The following BICD2 variants were observed in gnomAD, a reference collection of about 807,000 sequenced individuals.
BICD2 encodes the protein BICD cargo adaptor 2.
In BICD2, 25 loss-of-function variants were observed where a neutral mutation model predicts 72.9. The ratio of observed to expected loss-of-function variants is 0.34; its 90% confidence interval spans 0.25 to 0.48. The LOEUF (loss-of-function observed/expected upper bound fraction) is 0.48, where lower values mean the gene tolerates loss of function less well. Among genes scored for constraint, BICD2 ranks in the 20% least tolerant of loss-of-function variants. The pLI is 0.99. For synonymous variants in BICD2, 501 were observed against 516.1 expected, an observed-to-expected ratio of 0.97 and a Z score of 0.40; for missense variants, 894 against 1,175.2, an observed-to-expected ratio of 0.76 and a Z score of 3.50.
In BICD2 at chr9:92,715,272, G is replaced by C; in HGVS notation, c.2450C>G (p.Thr817Ser). The C allele has an allele frequency of 6.2e-7, 1 of 1,612,906 alleles. No homozygotes were observed. Among genetic ancestry groups the C allele is most frequent in the Non-Finnish European group, 8.5e-7 (1 of 1,179,854 alleles). Reference protein sequence around the residue: ...RRGRAKAAPKTKPATPSVSHT... With the variant: ...RRGRAKAAPKSKPATPSVSHT... ...ACTTACGCTCGGTGTGGCTGGCTTG[G>C]TCTTCGGGGCGGCTTTGGCACGGCC... is the stretch of plus-strand genomic sequence containing the variant. Residue 817 changes from threonine (T) to serine (S), a missense_variant, in exon 7 of 7, where the codon ACC becomes AGC. Around this residue, in one of 5 missense-constraint regions of BICD2, gnomAD observed 321 missense variants for 443.9 expected, o/e 0.72. Transcript: ENST00000356884.
chr9:92,738,240 G>C (rs1473750351), intron 1 of BICD2, among the ~76,000 whole-genome samples: 1 of 152,246 alleles, frequency 6.6e-6, no homozygotes, highest in Non-Finnish European at 1.5e-5. Context: ...TAGGCAGCAT[G>C]GGCACCAGGT....
intron 2 of BICD2, 113 bp downstream of exon 2, chr9:92,728,911 A>G: frequency 1.7e-6 from 2 of 1,157,866 alleles, no homozygotes; most frequent in African/African-American, 3.1e-5. Context: ...CAGACCAGCC[A>G]GCTGCAGCGT....
At position 92,764,048 on chromosome 9, in the gene BICD2, A is replaced by C. The variant is rs569204699; in HGVS notation, c.240+457T>G. Among the ~76,000 whole-genome samples the C allele has an allele frequency of 9.1e-4, 138 of 152,138 alleles. No individual in the cohort carries two copies. Among genetic ancestry groups the C allele is most frequent in the Non-Finnish European group, 1.7e-3 (116 of 68,008 alleles). On this transcript the variant is annotated intron_variant, in intron 1 of 6. Coordinates refer to ENST00000356884, the MANE Select transcript of BICD2 (RefSeq NM_001003800.2). The surrounding 1 kb of genome is among the most constrained non-coding windows in gnomAD (Gnocchi z 5.5). The stretch of plus-strand genomic sequence containing the variant: ...CAGAGAGGGGAAGTGCTTTCTCTGA[A>C]GGTGACAGAGCCGCAGCCACCCAGA...
chr9:92,742,626 G>A (rs191572862), intron 1 of BICD2, among the ~76,000 whole-genome samples: 6 of 151,934 alleles, frequency 3.9e-5, no homozygotes, highest in East Asian at 1.9e-4. Context: ...CTCGTGATCC[G>A]CCCACCTCGA....
At chr9:92,755,128 G>C (rs1854228591) in intron 1 of BICD2, among the ~76,000 whole-genome samples, 1 of 152,142 alleles carries the variant, frequency 6.6e-6, no homozygotes, top group African/African-American at 2.4e-5. Context: ...CTCTGAACTG[G>C]CCCCCCTGGG....
Position 92,711,462 on chromosome 9 carries a change from CAT to C in BICD2, c.*3690_*3691del, listed in dbSNP as rs565627335. On this transcript the variant is annotated 3_prime_UTR_variant, in exon 7 of 7. Transcript: ENST00000356884. ...GCACTGGCTTTGTAGGCATTCACATCATATGTCTGTGTCCTGAAAATCTCAAT... is the reference window on the plus strand; with the variant it reads ...GCACTGGCTTTGTAGGCATTCACATCATGTCTGTGTCCTGAAAATCTCAAT... 6.0e-4 allele frequency: 91 copies of C among 152,744 alleles called. 1 individual carries two copies. Among genetic ancestry groups the C allele is most frequent in the African/African-American group, 1.8e-3 (73 of 41,560 alleles). The allele number at this position is 152,744 out of a possible 1,614,324, so 9.5% of individuals were successfully genotyped here.
intron 6 of BICD2, among the ~76,000 whole-genome samples, chr9:92,716,549 T>C (rs1014839955): frequency 6.6e-6 from 1 of 152,156 alleles, no homozygotes; most frequent in African/African-American, 2.4e-5. Flanking sequence ...TCCCACCCTG[T>C]CCAGCTCAGA....
At chr9:92,727,421 C>T (rs1020075579) in intron 2 of BICD2, among the ~76,000 whole-genome samples, 6 of 152,182 alleles carry the variant, frequency 3.9e-5, no homozygotes, top group African/African-American at 9.7e-5. Context: ...CAGAGACTGC[C>T]GGTTTACAGA....
At chr9:92,727,574 C>T (rs1853592100) in intron 2 of BICD2, among the ~76,000 whole-genome samples, 1 of 152,214 alleles carries the variant, frequency 6.6e-6, no homozygotes, top group South Asian at 2.1e-4. Flanking sequence ...GGGGCTGACC[C>T]TCAAAGGCCA....
In BICD2 at chr9:92,764,829, G is replaced by GCCA; in HGVS notation, c.-86_-85insTGG. 1 of 1,038,964 alleles carries GCCA rather than the reference G, an allele frequency of 9.6e-7. No individual in the cohort carries two copies. The highest frequency in any genetic ancestry group is 4.4e-5 in the South Asian group (1 of 22,660). 64.4% of individuals were successfully genotyped at this position (1,038,964 alleles called of 1,614,324 possible). ...CGCCGCCGCTGCCGCCGCCGCCGCC[G>GCCA]CCCTGCCCCGACGGCCGCCCGCCCG... On this transcript the variant is annotated 5_prime_UTR_variant, in exon 1 of 7. Coordinates refer to ENST00000356884, the MANE Select transcript of BICD2 (RefSeq NM_001003800.2). This position sits in a 1 kb window ranked among gnomAD's most constrained non-coding sequence, Gnocchi z 5.5.
At chr9:92,727,415 G>A (rs1427308415) in intron 2 of BICD2, among the ~76,000 whole-genome samples, 1 of 152,220 alleles carries the variant, frequency 6.6e-6, no homozygotes, top group Non-Finnish European at 1.5e-5. Flanking sequence ...GGGCTTCAGA[G>A]ACTGCCGGTT....
At chr9:92,738,375 G>C (rs1853831095) in intron 1 of BICD2, among the ~76,000 whole-genome samples, 1 of 152,208 alleles carries the variant, frequency 6.6e-6, no homozygotes, top group Non-Finnish European at 1.5e-5. Context: ...CCCAAGGCTA[G>C]GTGCTGGTTC....
At chr9:92,759,398 A>AT (rs1854326429) in intron 1 of BICD2, among the ~76,000 whole-genome samples, 1 of 152,164 alleles carries the variant, frequency 6.6e-6, no homozygotes, top group Non-Finnish European at 1.5e-5. Flanking sequence ...TGAATGTATG[A>AT]TTTTTTAAAA....
intron 1 of BICD2, among the ~76,000 whole-genome samples, chr9:92,763,725 C>T (rs984087576): frequency 1.3e-5 from 2 of 152,212 alleles, no homozygotes; most frequent in African/African-American, 4.8e-5. Context: ...GTGGGAATGA[C>T]ACAGACCACT....
At chr9:92,727,277 G>A (rs1296515927) in intron 2 of BICD2, among the ~76,000 whole-genome samples, 1 of 152,172 alleles carries the variant, frequency 6.6e-6, no homozygotes, top group Non-Finnish European at 1.5e-5. Flanking sequence ...CATACCCTCA[G>A]GGCCTATGCC....
At chr9:92,733,266 G>A (rs567808489) in intron 1 of BICD2, among the ~76,000 whole-genome samples, 22 of 152,288 alleles carry the variant, frequency 1.4e-4, no homozygotes, top group South Asian at 1.0e-3. Flanking sequence ...GGCCAGGCAC[G>A]GTGGCTCATG....
rs971734517 is a variant in BICD2, at chr9:92,752,286, C to G, written c.240+12219G>C. On this transcript the variant is annotated intron_variant, in intron 1 of 6. Transcript: ENST00000356884. ...CTGATTCTAGGACTGAGGGAGGAAA[C>G]AGATAAGCCTGCAACATCTTGTAGT... Among the ~76,000 whole-genome samples the G allele has an allele frequency of 4.7e-5, 7 of 150,232 alleles. No homozygotes were observed. In the East Asian group the frequency reaches 1.4e-3, roughly 29 times the overall value.
At position 92,713,951 on chromosome 9, in the gene BICD2, G is replaced by C; in HGVS notation, c.*1203C>G. ...TGCAGGAGAGAAGACTGCAGCCTCA[G>C]GTCCAGCTGGTCCCACAGGGTGATC... is the stretch of plus-strand genomic sequence containing the variant. On this transcript the variant is annotated 3_prime_UTR_variant, in exon 7 of 7. Coordinates refer to ENST00000356884, the MANE Select transcript of BICD2 (RefSeq NM_001003800.2). The C allele has an allele frequency of 1.0e-6, 1 of 989,636 alleles. No individual in the cohort carries two copies. Among genetic ancestry groups the C allele is most frequent in the Non-Finnish European group, 1.2e-6 (1 of 832,392 alleles). 61.3% of individuals were successfully genotyped at this position (989,636 alleles called of 1,614,324 possible). A position where few individuals can be genotyped will look rare whatever the true frequency, so the allele number is the denominator to read the frequency against.
At position 92,729,208 on chromosome 9, in the gene BICD2, T is replaced by C. The variant is rs61754130; in HGVS notation, c.269A>G (p.Lys90Arg). 8,930 of 1,614,180 alleles carry C rather than the reference T, an allele frequency of 5.5e-3. 35 individuals carry two copies. The highest frequency in any genetic ancestry group is 6.5e-3 in the Non-Finnish European group (7,614 of 1,180,042). Residue 90 changes from lysine to arginine, a missense_variant, in exon 2 of 7, where the codon AAG (lysine) becomes AGG (arginine). Lys to Arg is a conservative substitution (Grantham distance 26). Around this residue, in one of 5 missense-constraint regions of BICD2, gnomAD observed 192 missense variants for 243.6 expected, o/e 0.79. Coordinates refer to ENST00000356884, the MANE Select transcript of BICD2 (RefSeq NM_001003800.2). ...GCTCTCTCCGTCAGCAGCCACCTTC[T>C]TGTGGTTTGTGTGTGCTTGTCCAAA... is the stretch of plus-strand genomic sequence containing the variant. ...EAFGQAHTNH[K>R]KVAADGESRE...
Sources: allele counts gnomAD v4.1 joint callset (sites outside exome capture counted in the v4.1 genomes callset), GRCh38; gene constraint gnomAD v4.1.1; regional missense constraint gnomAD v4.1.1; non-coding constraint Gnocchi (gnomAD v3.1); transcripts MANE v1.5; gene names NCBI Gene and HGNC (gene_info 2026-07-23, HGNC 2026-07-21).